The following RSBN1L variants were observed in gnomAD, a reference collection of about 807,000 sequenced individuals.
RSBN1L encodes lysine-specific demethylase RSBN1L.
In RSBN1L, 30 loss-of-function variants were observed where a neutral mutation model predicts 67.7. The ratio of observed to expected loss-of-function variants is 0.44; its 90% CI spans 0.33 to 0.60. The LOEUF (loss-of-function observed/expected upper bound fraction) is 0.60, where lower values mean the gene tolerates loss of function less well. RSBN1L is among the 20% of genes least tolerant of loss of function. RSBN1L has a pLI of 0.02. For synonymous variants in RSBN1L, 433 were observed against 387.0 expected (o/e 1.12, Z -1.39); for missense variants, 992 against 1,031.7 (o/e 0.96, Z 0.53).
chr7:77,746,493 C>T (rs114530234), intron 2 of RSBN1L, among the ~76,000 whole-genome samples: 2,989 of 152,150 alleles, frequency 0.02, 84 homozygotes, highest in African/African-American at 0.067. Flanking sequence ...GATTACAGTT[C>T]GACATGAGAT....
chr7:77,704,483 A>C (rs1398884473), intron 1 of RSBN1L, among the ~76,000 whole-genome samples: 1 of 152,248 alleles, frequency 6.6e-6, no homozygotes, highest in Non-Finnish European at 1.5e-5. Context: ...ATTTTAAATT[A>C]ATACAAAAGA....
chr7:77,766,665 C>T (rs1791769680), intron 4 of RSBN1L, among the ~76,000 whole-genome samples: 1 of 151,994 alleles, frequency 6.6e-6, no homozygotes, highest in African/African-American at 2.4e-5. Context: ...TGCTGCAAAC[C>T]TACACTGAAA....
chr7:77,696,759 C>T lies in RSBN1L; in HGVS notation c.290C>T (p.Pro97Leu), dbSNP rs751807062. 4 of 1,613,700 alleles carry T rather than the reference C, an allele frequency of 2.5e-6. No homozygotes were observed. Among genetic ancestry groups the T allele is most frequent in the South Asian group, 2.2e-5 (2 of 91,088 alleles). ...SFAPLSAAPS[P>L]SSSRSSFSFS... ...GCCCCTCTGTCTGCTGCTCCCTCCC[C>T]GTCCTCTTCTCGGAGCAGTTTCTCT... is the stretch of plus-strand genomic sequence containing the variant. The change falls in exon 1 of 8, where the codon CCG becomes CTG. Residue 97 changes from proline to leucine, a missense_variant. By Grantham distance (98) the Pro-to-Leu change is moderately conservative. Around this residue, in one of 7 missense-constraint regions of RSBN1L, gnomAD observed 575 missense variants for 483.2 expected, o/e 1.19. Coordinates refer to ENST00000334955, the MANE Select transcript of RSBN1L (RefSeq NM_198467.3).
intron 1 of RSBN1L, among the ~76,000 whole-genome samples, chr7:77,712,285 TG>T (rs946016021): frequency 6.6e-6 from 1 of 151,900 alleles, no homozygotes; most frequent in South Asian, 2.1e-4. Flanking sequence ...TATACATACA[TG>T]ATTTTTTTTT....
At chr7:77,776,951 C>T (rs1791926271) in intron 6 of RSBN1L, among the ~76,000 whole-genome samples, 1 of 151,206 alleles carries the variant, frequency 6.6e-6, no homozygotes, top group South Asian at 2.1e-4. Flanking sequence ...TTTGCTTTTT[C>T]CAATTTGCTT....
chr7:77,765,530 T>C lies in RSBN1L; in HGVS notation c.1380T>C (p.Ala460=). 1 of 1,609,648 alleles carries C rather than the reference T, an allele frequency of 6.2e-7. No homozygotes were observed. The highest frequency in any genetic ancestry group is 8.5e-7 in the Non-Finnish European group (1 of 1,177,508). Residue 460 remains alanine (A), a synonymous_variant, in exon 4 of 8, where the codon GCT becomes GCC. Coordinates refer to ENST00000334955, the MANE Select transcript of RSBN1L (RefSeq NM_198467.3). ...KRTYSHGTYR[A]GPMRQISLVG... Reference sequence around the variant, plus strand: ...CGTATTCTCATGGTACTTACAGAGCTGGCCCAATGAGACAAATAAGCTTGG... The same window carrying C: ...CGTATTCTCATGGTACTTACAGAGCCGGCCCAATGAGACAAATAAGCTTGG...
chr7:77,754,359 ATAAGT>A (rs1399968701), intron 3 of RSBN1L, among the ~76,000 whole-genome samples: 22 of 152,334 alleles, frequency 1.4e-4, no homozygotes, highest in African/African-American at 3.6e-4. Context: ...AAGGCTATAG[ATAAGT>A]TAGGGTAGAA....
At chr7:77,755,052 A>C (rs1338289786) in intron 3 of RSBN1L, among the ~76,000 whole-genome samples, 1 of 152,204 alleles carries the variant, frequency 6.6e-6, no homozygotes, top group Non-Finnish European at 1.5e-5. Flanking sequence ...ATCAGCCTAC[A>C]TACTGCTGTG....
chr7:77,714,291 A>C (rs1791014914), intron 1 of RSBN1L, among the ~76,000 whole-genome samples: 1 of 152,210 alleles, frequency 6.6e-6, no homozygotes, highest in Non-Finnish European at 1.5e-5. Context: ...GTTTTGATGA[A>C]TAGTTGATAG....
chr7:77,705,677 A>T (rs1296365267), intron 1 of RSBN1L, among the ~76,000 whole-genome samples: 1 of 151,564 alleles, frequency 6.6e-6, no homozygotes, highest in Non-Finnish European at 1.5e-5. Flanking sequence ...ATGCCCAGCT[A>T]ATTTTTGTAT....
At chr7:77,734,969 C>G (rs1234757608) in intron 1 of RSBN1L, among the ~76,000 whole-genome samples, 1 of 151,484 alleles carries the variant, frequency 6.6e-6, no homozygotes, top group African/African-American at 2.4e-5. Context: ...TATCCCTAAT[C>G]TTTTTCTTGT....
At chr7:77,772,124 A>G (rs1004860619) in intron 5 of RSBN1L, among the ~76,000 whole-genome samples, 7 of 152,204 alleles carry the variant, frequency 4.6e-5, no homozygotes, top group African/African-American at 1.7e-4. Flanking sequence ...AGGAAGCAAC[A>G]CCATCTGGCA....
chr7:77,778,270 A>G (rs571598628), intron 6 of RSBN1L, 68 bp from the exon 7 acceptor site: 142 of 1,060,908 alleles, frequency 1.3e-4, no homozygotes, highest in Non-Finnish European at 1.9e-4. Context: ...TTTTGCTTTG[A>G]GTTTAATAAG....
intron 1 of RSBN1L, among the ~76,000 whole-genome samples, chr7:77,711,690 A>G (rs1232039766): frequency 3.3e-5 from 5 of 152,216 alleles, no homozygotes; most frequent in Non-Finnish European, 7.3e-5. Flanking sequence ...GAATGAATAA[A>G]TAGAAGTAAA....
At chr7:77,732,146 A>C (rs1791279637) in intron 1 of RSBN1L, among the ~76,000 whole-genome samples, 1 of 152,166 alleles carries the variant, frequency 6.6e-6, no homozygotes, top group Non-Finnish European at 1.5e-5. Flanking sequence ...ATCAGTTACG[A>C]ATTTTTCCCA....
At chr7:77,713,452 G>A (rs1003621358) in intron 1 of RSBN1L, among the ~76,000 whole-genome samples, 1 of 151,462 alleles carries the variant, frequency 6.6e-6, no homozygotes, top group Non-Finnish European at 1.5e-5. Flanking sequence ...CACCTCCCAG[G>A]TTCACGCCAT....
intron 1 of RSBN1L, among the ~76,000 whole-genome samples, chr7:77,722,349 T>C (rs551532124): frequency 6.6e-6 from 1 of 152,094 alleles, no homozygotes; most frequent in East Asian, 1.9e-4. Flanking sequence ...CCTAGGTAAA[T>C]GTGCAGGTTT....
intron 1 of RSBN1L, chr7:77,697,260 T>C (rs1047666323): frequency 2.4e-6 from 1 of 416,608 alleles, no homozygotes; most frequent in Non-Finnish European, 4.0e-6. Flanking sequence ...GAGAGGGGGA[T>C]GGCCGACACT....
intron 1 of RSBN1L, among the ~76,000 whole-genome samples, chr7:77,721,616 T>G (rs781612054): frequency 6.6e-6 from 1 of 152,204 alleles, no homozygotes; most frequent in Non-Finnish European, 1.5e-5. Flanking sequence ...GGCAATCGCA[T>G]TTTAGCTAAG....
Sources: gnomAD v4.1 joint callset for allele counts (sites outside exome capture counted in the v4.1 genomes callset) on GRCh38, gnomAD v4.1.1 for gene constraint, gnomAD v4.1.1 regional missense constraint, MANE v1.5 for transcripts, NCBI Gene and HGNC (gene_info 2026-07-23, HGNC 2026-07-21) for gene names.